MAML1: variants seen among roughly 807,000 people sequenced by gnomAD.
MAML1 encodes mastermind like transcriptional coactivator 1.
Under a neutral mutation model 77.1 loss-of-function variants are expected in MAML1, and 14 were observed. The observed-to-expected ratio is 0.18, with a 90% CI of 0.12 to 0.28. The LOEUF is 0.28. Ranked by LOEUF, MAML1 falls within the 10% of genes least tolerant of loss-of-function variation. MAML1 has a pLI of 1.00. For synonymous variants in MAML1, 516 were observed against 551.9 expected (o/e 0.93, Z 0.91); for missense variants, 1,217 against 1,327.8 (o/e 0.92, Z 1.30).
chr5:179,742,480 T>G (rs568390916), intron 1 of MAML1, among the ~76,000 whole-genome samples: 19 of 150,526 alleles, frequency 1.3e-4, no homozygotes, highest in Admixed American at 6.6e-5. Flanking sequence ...CAGAGTGAGA[T>G]TCCATCTCAA....
chr5:179,770,339 T>C (rs1755956184), intron 3 of MAML1, among the ~76,000 whole-genome samples: 1 of 152,082 alleles, frequency 6.6e-6, no homozygotes, highest in South Asian at 2.1e-4. Context: ...TCCCAGCTAC[T>C]CGGGAGGCCG....
intron 1 of MAML1, among the ~76,000 whole-genome samples, chr5:179,751,303 G>T (rs1229427072): frequency 6.6e-6 from 1 of 152,168 alleles, no homozygotes; most frequent in Admixed American, 6.5e-5. Context: ...CTGTCCATGA[G>T]GGTAGCCATC....
At chr5:179,772,700 G>A (rs767753163) in intron 4 of MAML1, among the ~76,000 whole-genome samples, 10 of 152,074 alleles carry the variant, frequency 6.6e-5, no homozygotes, top group African/African-American at 2.4e-4. Context: ...TGGCCACCTT[G>A]TCATTTCATA....
chr5:179,739,685 AAAAT>A (rs1254683613), intron 1 of MAML1, among the ~76,000 whole-genome samples: 1 of 152,262 alleles, frequency 6.6e-6, no homozygotes, highest in Non-Finnish European at 1.5e-5. Context: ...CCCTGCATCA[AAAAT>A]AAATAAAAAA....
chr5:179,756,458 G>A (rs796977427), intron 1 of MAML1, among the ~76,000 whole-genome samples: 21 of 151,170 alleles, frequency 1.4e-4, no homozygotes, highest in South Asian at 8.4e-4. Context: ...AAAATTAGGC[G>A]GTCACCAGCC....
intron 3 of MAML1, among the ~76,000 whole-genome samples, chr5:179,770,407 A>G (rs1039189919): frequency 2.0e-5 from 3 of 152,146 alleles, no homozygotes; most frequent in Admixed American, 6.5e-5. Context: ...AGATCGCGCC[A>G]CTGCACTCCA....
chr5:179,751,452 TA>T (rs757208776), intron 1 of MAML1, among the ~76,000 whole-genome samples: 1 of 152,194 alleles, frequency 6.6e-6, no homozygotes, highest in Non-Finnish European at 1.5e-5. Flanking sequence ...CTGTCACCTG[TA>T]ATCCCAACAC....
At chr5:179,768,670 T>C (rs1779866043) in intron 2 of MAML1, among the ~76,000 whole-genome samples, 180 bp from the exon 3 acceptor site, 1 of 152,240 alleles carries the variant, frequency 6.6e-6, no homozygotes, top group Admixed American at 6.5e-5. Flanking sequence ...GCTAGGCGCC[T>C]GTATGCTCAG....
chr5:179,734,971 G>A (rs926813015), intron 1 of MAML1, among the ~76,000 whole-genome samples: 3 of 152,044 alleles, frequency 2.0e-5, no homozygotes, highest in African/African-American at 7.3e-5. Flanking sequence ...CCACCGCACC[G>A]TGCCGCCCCC....
At position 179,769,451 on chromosome 5, in the gene MAML1, T is replaced by A. The variant is rs1011576200; in HGVS notation, c.1971+362T>A. Among the ~76,000 whole-genome samples the A allele has an allele frequency of 6.6e-6, 1 of 152,170 alleles. No homozygotes were observed. The highest frequency in any genetic ancestry group is 1.5e-5 in the Non-Finnish European group (1 of 68,032). ...TTTGCTGCCACTACAGAGCCTGTTA[T>A]AAGCCAGAACGTGAAGAGGGAAGTG... On this transcript the variant is annotated intron_variant, in intron 3 of 4. Coordinates refer to ENST00000292599, the MANE Select transcript of MAML1 (RefSeq NM_014757.5). The surrounding 1 kb of genome is among the most constrained non-coding windows in gnomAD (Gnocchi z 4.2).
chr5:179,743,712 T>G (rs903045408), intron 1 of MAML1, among the ~76,000 whole-genome samples: 1 of 152,064 alleles, frequency 6.6e-6, no homozygotes, highest in African/African-American at 2.4e-5. Flanking sequence ...TCATCTTAAG[T>G]TTTTAAGCTT....
At chr5:179,753,568 C>G (rs537900769) in intron 1 of MAML1, among the ~76,000 whole-genome samples, 1 of 150,226 alleles carries the variant, frequency 6.7e-6, no homozygotes, top group Non-Finnish European at 1.5e-5. Context: ...TCGAAGAAAG[C>G]GAATGGCAAA....
chr5:179,747,616 T>C (rs1351563085), intron 1 of MAML1, among the ~76,000 whole-genome samples: 3 of 151,912 alleles, frequency 2.0e-5, no homozygotes, highest in Non-Finnish European at 2.9e-5. Context: ...CGAGACCATC[T>C]TGGCTAACAC....
At chr5:179,773,180 G>GCCACAACCCCGTTCTTCACACGCCAT (rs1214350064) in intron 4 of MAML1, among the ~76,000 whole-genome samples, 2 of 152,186 alleles carry the variant, frequency 1.3e-5, no homozygotes, top group Non-Finnish European at 2.9e-5. Context: ...ACCGCGCCCG[G>GCCACAACCCCGTTCTTCACACGCCAT]CCACAACCCC....
chr5:179,749,903 CT>C (rs1454414083), intron 1 of MAML1, among the ~76,000 whole-genome samples: 5 of 152,232 alleles, frequency 3.3e-5, no homozygotes, highest in African/African-American at 1.2e-4. Flanking sequence ...TGGTCCCCAC[CT>C]TGGCCCTGCC....
chr5:179,736,556 A>T (rs934242133), intron 1 of MAML1, among the ~76,000 whole-genome samples: 3 of 152,086 alleles, frequency 2.0e-5, no homozygotes, highest in Non-Finnish European at 4.4e-5. Context: ...TGGCCTGTGT[A>T]AGGAAGGACT....
chr5:179,756,395 A>C (rs1779617167), intron 1 of MAML1, among the ~76,000 whole-genome samples: 1 of 150,356 alleles, frequency 6.7e-6, no homozygotes, highest in Non-Finnish European at 1.5e-5. Context: ...ACTGCACTCC[A>C]GCCTGGGCCT....
rs1756101500 is a variant in MAML1, at chr5:179,774,912, T to G, written c.*35T>G. 2.6e-6 allele frequency: 4 copies of G among 1,539,542 alleles called. No homozygotes were observed. In the East Asian group the frequency reaches 9.1e-5, roughly 35 times the overall value. ...TTGTAGTGTTTTTAGTGTTCATTCATCCTATATTTTTATTCTCAGATTCAA... is the reference window on the plus strand; with the variant it reads ...TTGTAGTGTTTTTAGTGTTCATTCAGCCTATATTTTTATTCTCAGATTCAA... On this transcript the variant is annotated 3_prime_UTR_variant, in exon 5 of 5. Coordinates refer to ENST00000292599, the MANE Select transcript of MAML1 (RefSeq NM_014757.5).
At chr5:179,764,149 T>C (rs757843576) in intron 1 of MAML1, among the ~76,000 whole-genome samples, 7 of 152,132 alleles carry the variant, frequency 4.6e-5, no homozygotes, top group African/African-American at 1.7e-4. Flanking sequence ...TGTGCTGCTC[T>C]CACTCTGTAG....
Sources: gnomAD v4.1 joint callset for allele counts (sites outside exome capture counted in the v4.1 genomes callset) on GRCh38, gnomAD v4.1.1 for gene constraint, Gnocchi (gnomAD v3.1) non-coding constraint, MANE v1.5 for transcripts, NCBI Gene and HGNC (gene_info 2026-07-23, HGNC 2026-07-21) for gene names.